HPSE2: variants seen among roughly 807,000 people sequenced by gnomAD.
HPSE2 encodes heparanase 2 (inactive).
Under a neutral mutation model 60.5 loss-of-function variants are expected in HPSE2, and 38 were observed. That is an observed-to-expected ratio of 0.63 (90% CI 0.48 to 0.82). The LOEUF (loss-of-function observed/expected upper bound fraction) is 0.82, where lower values mean the gene tolerates loss of function less well. HPSE2 is among the 40% of genes least tolerant of loss of function. The probability of loss-of-function intolerance (pLI) is 0.00; values close to 1 mark genes in which losing one functional copy is unlikely to be tolerated. For synonymous variants in HPSE2, 295 were observed against 293.2 expected (o/e 1.01, Z -0.06); for missense variants, 713 against 740.4 (o/e 0.96, Z 0.43).
At chr10:98,829,144 T>C (rs1389733683) in intron 3 of HPSE2, among the ~76,000 whole-genome samples, 1 of 152,136 alleles carries the variant, frequency 6.6e-6, no homozygotes, top group East Asian at 1.9e-4. Flanking sequence ...GTCAAATTCA[T>C]AGAGTTAGAA....
chr10:98,902,042 T>C (rs1262509064), intron 3 of HPSE2, among the ~76,000 whole-genome samples: 3 of 152,198 alleles, frequency 2.0e-5, no homozygotes, highest in African/African-American at 4.8e-5. Flanking sequence ...AATTTGTTCA[T>C]GTAATCACAA....
chr10:98,594,700 T>C (rs1945182754), intron 9 of HPSE2, among the ~76,000 whole-genome samples: 1 of 152,170 alleles, frequency 6.6e-6, no homozygotes, highest in African/African-American at 2.4e-5. Context: ...TATCCATTCA[T>C]CTGTTGATGG....
At chr10:98,723,907 A>T in intron 4 of HPSE2, among the ~76,000 whole-genome samples, 1 of 152,074 alleles carries the variant, frequency 6.6e-6, no homozygotes, top group Non-Finnish European at 1.5e-5. Flanking sequence ...GATCTTTTCA[A>T]AAAACCAGCT....
At chr10:98,545,737 T>C (rs1001968138) in intron 9 of HPSE2, among the ~76,000 whole-genome samples, 1 of 151,764 alleles carries the variant, frequency 6.6e-6, no homozygotes, top group Non-Finnish European at 1.5e-5. Flanking sequence ...CTTTGAAAAC[T>C]GGCACAAGAC....
intron 3 of HPSE2, among the ~76,000 whole-genome samples, chr10:98,968,160 T>C (rs1434992477): frequency 6.6e-6 from 1 of 152,208 alleles, no homozygotes; most frequent in Non-Finnish European, 1.5e-5. Flanking sequence ...CTCTTATGCC[T>C]TTAAAAATTA....
intron 3 of HPSE2, among the ~76,000 whole-genome samples, chr10:99,018,079 A>G (rs1406014136): frequency 6.6e-6 from 1 of 152,232 alleles, no homozygotes; most frequent in Non-Finnish European, 1.5e-5. Context: ...AAACCTCATC[A>G]GTAGGAATCT....
chr10:99,048,357 T>C (rs2135492208), intron 3 of HPSE2: 1 of 277,594 alleles, frequency 3.6e-6, no homozygotes, highest in Non-Finnish European at 6.8e-6. Context: ...TAGTACCTGC[T>C]CTCAAACTGA....
intron 3 of HPSE2, among the ~76,000 whole-genome samples, chr10:99,090,689 T>A (rs1466253026): frequency 6.6e-6 from 1 of 152,154 alleles, no homozygotes; most frequent in African/African-American, 2.4e-5. Flanking sequence ...TTTCATCTGT[T>A]ATAACATTAT....
chr10:98,583,032 G>T (rs1016256099), intron 9 of HPSE2, among the ~76,000 whole-genome samples: 3 of 152,108 alleles, frequency 2.0e-5, no homozygotes, highest in Admixed American at 6.5e-5. Flanking sequence ...CGAAGACTAG[G>T]GGGGCATAGG....
At chr10:99,120,265 A>G (rs1428562671) in intron 3 of HPSE2, among the ~76,000 whole-genome samples, 1 of 152,194 alleles carries the variant, frequency 6.6e-6, no homozygotes, top group Non-Finnish European at 1.5e-5. Flanking sequence ...AAACCATTAA[A>G]AAGTGGGCAA....
chr10:98,474,580 G>T (rs1940919968), intron 11 of HPSE2, among the ~76,000 whole-genome samples: 2 of 152,122 alleles, frequency 1.3e-5, no homozygotes, highest in South Asian at 4.2e-4. Context: ...AGGTTTTAAT[G>T]AGGGTGAAAT....
At chr10:99,080,898 T>C (rs1270063620) in intron 3 of HPSE2, among the ~76,000 whole-genome samples, 2 of 152,256 alleles carry the variant, frequency 1.3e-5, no homozygotes, top group Admixed American at 1.3e-4. Flanking sequence ...AATAAGTACC[T>C]ATCTCTTATA....
At chr10:98,988,000 C>T (rs1956413757) in intron 3 of HPSE2, among the ~76,000 whole-genome samples, 1 of 152,172 alleles carries the variant, frequency 6.6e-6, no homozygotes, top group African/African-American at 2.4e-5. Context: ...AAATAGGATA[C>T]AAACAAATGG....
At chr10:98,645,129 C>CT (rs2134045143) in intron 6 of HPSE2, among the ~76,000 whole-genome samples, 1 of 152,180 alleles carries the variant, frequency 6.6e-6, no homozygotes, top group Admixed American at 6.5e-5. Context: ...GAGAGATTGC[C>CT]TTGGAGAACA....
intron 9 of HPSE2, among the ~76,000 whole-genome samples, chr10:98,513,232 C>T (rs1288556882): frequency 6.6e-6 from 1 of 152,170 alleles, no homozygotes; most frequent in Admixed American, 6.5e-5. Context: ...CCAGTCTTAT[C>T]TATGGCTGGA....
intron 9 of HPSE2, among the ~76,000 whole-genome samples, chr10:98,520,744 C>T (rs973026276): frequency 5.3e-5 from 8 of 152,042 alleles, no homozygotes; most frequent in African/African-American, 1.4e-4. Flanking sequence ...TGTAGAAATA[C>T]GAATAAGAAA....
the HPSE2 span, among the ~76,000 whole-genome samples, chr10:99,243,936 G>A: frequency 2.0e-5 from 3 of 151,988 alleles, no homozygotes; most frequent in East Asian, 1.9e-4. Context: ...ACTCAGTCTC[G>A]AAAATAAAAT....
intron 2 of HPSE2, among the ~76,000 whole-genome samples, chr10:99,196,112 C>G (rs1848389300): frequency 6.6e-6 from 1 of 152,094 alleles, no homozygotes; most frequent in Non-Finnish European, 1.5e-5. Flanking sequence ...GGGGAAAGGA[C>G]AGTCTCTTCA....
the HPSE2 span, among the ~76,000 whole-genome samples, chr10:99,306,247 T>A: frequency 6.6e-6 from 1 of 152,140 alleles, no homozygotes; most frequent in Non-Finnish European, 1.5e-5. Context: ...AATTGTTTGA[T>A]TCCATTTTTT....
Sources: allele counts gnomAD v4.1 joint callset (sites outside exome capture counted in the v4.1 genomes callset), GRCh38; gene constraint gnomAD v4.1.1; transcripts MANE v1.5; gene names NCBI Gene and HGNC (gene_info 2026-07-23, HGNC 2026-07-21).